The following SNTG1 variants were observed in gnomAD, a reference collection of about 807,000 sequenced individuals.
SNTG1 encodes syntrophin gamma 1.
Under a neutral mutation model 74.7 loss-of-function variants are expected in SNTG1, and 39 were observed. The observed-to-expected ratio is 0.52, with a 90% CI of 0.40 to 0.68. The LOEUF (loss-of-function observed/expected upper bound fraction) is 0.68. SNTG1 is among the 30% of genes least tolerant of loss of function. The probability of loss-of-function intolerance (pLI) is 0.00; values close to 1 mark genes in which losing one functional copy is unlikely to be tolerated. For synonymous variants in SNTG1, 254 were observed against 217.1 expected (o/e 1.17, Z -1.49); for missense variants, 685 against 609.5 (o/e 1.12, Z -1.30).
intron 2 of SNTG1, among the ~76,000 whole-genome samples, chr8:50,349,471 A>G (rs2091581273): frequency 6.6e-6 from 1 of 151,898 alleles, no homozygotes; most frequent in African/African-American, 2.4e-5. Flanking sequence ...ATGTTTTTTT[A>G]ATCTCTCCTT....
chr8:50,730,337 G>A (rs1162638687), intron 17 of SNTG1, among the ~76,000 whole-genome samples: 1 of 152,108 alleles, frequency 6.6e-6, no homozygotes, highest in African/African-American at 2.4e-5. Context: ...CTATTTAAAA[G>A]GCTTTGAAAT....
At chr8:50,442,512 C>A (rs1037635433) in intron 5 of SNTG1, among the ~76,000 whole-genome samples, 2 of 152,002 alleles carry the variant, frequency 1.3e-5, no homozygotes, top group Non-Finnish European at 2.9e-5. Flanking sequence ...TTCTTTCTCT[C>A]AGGTTGCCTT....
At chr8:50,783,840 G>A (rs1302099176) in intron 18 of SNTG1, among the ~76,000 whole-genome samples, 1 of 152,168 alleles carries the variant, frequency 6.6e-6, no homozygotes, top group African/African-American at 2.4e-5. Flanking sequence ...GGCCATCTTG[G>A]CTCCAGAACT....
intron 13 of SNTG1, among the ~76,000 whole-genome samples, chr8:50,626,522 G>A (rs934693463): frequency 9.2e-5 from 14 of 152,344 alleles, no homozygotes; most frequent in African/African-American, 3.4e-4. Context: ...TTTATTGACA[G>A]CAAGCCAGTG....
intron 2 of SNTG1, among the ~76,000 whole-genome samples, chr8:50,232,172 G>T (rs913443346): frequency 6.6e-6 from 1 of 151,404 alleles, no homozygotes; most frequent in Admixed American, 6.6e-5. Flanking sequence ...AGAGCAATAT[G>T]TCTTAAAAAT....
At chr8:50,169,678 A>G (rs1013576144) in intron 1 of SNTG1, among the ~76,000 whole-genome samples, 5 of 152,088 alleles carry the variant, frequency 3.3e-5, no homozygotes, top group African/African-American at 1.2e-4. Flanking sequence ...TATTTACTTC[A>G]TTAGCTGTAG....
At chr8:50,289,794 G>T (rs534809221) in intron 2 of SNTG1, among the ~76,000 whole-genome samples, 1 of 152,280 alleles carries the variant, frequency 6.6e-6, no homozygotes, top group South Asian at 2.1e-4. Flanking sequence ...TGTGTTTGCT[G>T]GTGGTTACAG....
intron 1 of SNTG1, among the ~76,000 whole-genome samples, chr8:50,111,722 G>A (rs1041575958): frequency 4.6e-5 from 7 of 152,070 alleles, no homozygotes; most frequent in Non-Finnish European, 5.9e-5. Context: ...CCAGTGGAGG[G>A]CATATATCTC....
At chr8:50,230,358 T>C (rs952198119) in intron 2 of SNTG1, among the ~76,000 whole-genome samples, 6 of 151,216 alleles carry the variant, frequency 4.0e-5, no homozygotes, top group Non-Finnish European at 7.4e-5. Context: ...AATATTACTA[T>C]GAAAGAAGGG....
chr8:50,262,936 AAG>A (rs1563814914), intron 2 of SNTG1, among the ~76,000 whole-genome samples: 1 of 152,192 alleles, frequency 6.6e-6, no homozygotes, highest in Non-Finnish European at 1.5e-5. Context: ...GATTAGAGGA[AAG>A]AGAGAGATGC....
chr8:50,198,765 A>C (rs2083874549), intron 2 of SNTG1, among the ~76,000 whole-genome samples: 1 of 152,066 alleles, frequency 6.6e-6, no homozygotes, highest in Non-Finnish European at 1.5e-5. Flanking sequence ...TTCCACAATC[A>C]TTTTTCCATA....
At chr8:50,017,069 A>G (rs1411627102) in intron 1 of SNTG1, among the ~76,000 whole-genome samples, 3 of 152,118 alleles carry the variant, frequency 2.0e-5, no homozygotes, top group Non-Finnish European at 4.4e-5. Context: ...TACAATTAAT[A>G]TTAAAGTGAA....
chr8:49,984,787 C>T (rs1256488091), intron 1 of SNTG1, among the ~76,000 whole-genome samples: 1 of 152,104 alleles, frequency 6.6e-6, no homozygotes, highest in Non-Finnish European at 1.5e-5. Context: ...GGAATTCTTA[C>T]ATGGCTGATT....
chr8:50,033,978 A>G (rs1817947145), intron 1 of SNTG1, among the ~76,000 whole-genome samples: 1 of 152,206 alleles, frequency 6.6e-6, no homozygotes, highest in African/African-American at 2.4e-5. Context: ...TTGTACTTTT[A>G]GCAGTCACTC....
At chr8:50,609,219 T>C (rs1032998093) in intron 13 of SNTG1, among the ~76,000 whole-genome samples, 4 of 152,218 alleles carry the variant, frequency 2.6e-5, no homozygotes, top group East Asian at 1.9e-4. Context: ...AAGTATTTCA[T>C]GTGGGGAATA....
At chr8:49,968,771 C>T (rs1398427308) in intron 1 of SNTG1, among the ~76,000 whole-genome samples, 1 of 152,136 alleles carries the variant, frequency 6.6e-6, no homozygotes, top group African/African-American at 2.4e-5. Flanking sequence ...AGCCATTTAT[C>T]TCCTGCAATC....
At chr8:50,525,155 A>G (rs993326319) in intron 9 of SNTG1, among the ~76,000 whole-genome samples, 11 of 152,108 alleles carry the variant, frequency 7.2e-5, no homozygotes, top group Non-Finnish European at 1.6e-4. Context: ...ATGGTATTCT[A>G]GATTGGCTGA....
At chr8:50,606,334 T>G (rs540755725) in intron 13 of SNTG1, among the ~76,000 whole-genome samples, 1 of 152,230 alleles carries the variant, frequency 6.6e-6, no homozygotes, top group Non-Finnish European at 1.5e-5. Flanking sequence ...AAAATTTCTC[T>G]TAGAAACCAT....
rs117487441 is a variant in SNTG1 at position 50,483,052 on chromosome 8, A to G, written c.364-19726A>G. Among the ~76,000 whole-genome samples, 523 of 152,326 alleles carry G rather than the reference A, an allele frequency of 3.4e-3. 3 individuals are homozygous for G. Among genetic ancestry groups the G allele is most frequent in the Admixed American group, 5.6e-3 (86 of 15,298 alleles). On this transcript the variant is annotated intron_variant, in intron 8 of 18. Coordinates refer to ENST00000642720, the MANE Select transcript of SNTG1 (RefSeq NM_018967.5). The stretch of plus-strand genomic sequence containing the variant: ...AGAAAGAGGTCTGAGATAAAATAGA[A>G]AGGTGACAATATTATAATTTTAAGG...
Sources: gnomAD v4.1 joint callset for allele counts (sites outside exome capture counted in the v4.1 genomes callset) on GRCh38, gnomAD v4.1.1 for gene constraint, MANE v1.5 for transcripts, NCBI Gene and HGNC (gene_info 2026-07-23, HGNC 2026-07-21) for gene names.